TMEM63B: variants seen among roughly 807,000 people sequenced by gnomAD.
TMEM63B encodes transmembrane protein 63B, also known as mechanosensitive cation channel TMEM63B.
Under a neutral mutation model 102.6 loss-of-function variants are expected in TMEM63B, and 23 were observed. The observed-to-expected ratio is 0.22, with a 90% CI of 0.16 to 0.32. The LOEUF is 0.32. TMEM63B is among the 10% of genes least tolerant of loss of function. The probability of loss-of-function intolerance (pLI) is 1.00; values close to 1 mark genes in which losing one functional copy is unlikely to be tolerated. For synonymous variants in TMEM63B, 444 were observed against 437.0 expected (o/e 1.02, Z -0.20); for missense variants, 628 against 1,095.9 (o/e 0.57, Z 6.03).
chr6:44,147,598 G>A, intron 12 of TMEM63B, 98 bp downstream of exon 12: 1 of 1,503,118 alleles, frequency 6.7e-7, no homozygotes, highest in East Asian at 2.5e-5. Context: ...CCTGTCCCTG[G>A]AATCCTTGAA....
At chr6:44,146,597 C>T (rs9296428) in intron 10 of TMEM63B, among the ~76,000 whole-genome samples, 60,774 of 151,662 alleles carry the variant, frequency 0.4, 12,344 homozygotes, top group Admixed American at 0.45. Context: ...ACTACAGGCA[C>T]GTGCCACCAT....
chr6:44,153,682 T>A lies in TMEM63B; in HGVS notation c.1949T>A (p.Met650Lys). The A allele has an allele frequency of 6.2e-7, 1 of 1,613,812 alleles. No homozygotes were observed. Among genetic ancestry groups the A allele is most frequent in the Non-Finnish European group, 8.5e-7 (1 of 1,179,900 alleles). ...CCCATGTGGCTTCCCTTAGGGCTCATGTACATGCTGCTGAAGCACCTGGTA... is the reference window on the plus strand; with the variant it reads ...CCCATGTGGCTTCCCTTAGGGCTCAAGTACATGCTGCTGAAGCACCTGGTA... Reference protein sequence around the residue: ...TCPIIVPFGLMYMLLKHLVDR... With the variant: ...TCPIIVPFGLKYMLLKHLVDR... Residue 650 changes from methionine to lysine, a missense_variant, in exon 21 of 24, where the codon ATG (methionine) becomes AAG (lysine). By Grantham distance (95) the Met-to-Lys change is moderately conservative. Around this residue, in one of 6 missense-constraint regions of TMEM63B, gnomAD observed 90 missense variants for 136.7 expected, o/e 0.66. Transcript: ENST00000323267.
chr6:44,140,156 G>A (rs758591404), intron 8 of TMEM63B, 96 bp from the exon 9 acceptor site: 1 of 971,154 alleles, frequency 1.0e-6, no homozygotes, highest in Non-Finnish European at 1.6e-6. Context: ...AGAGGGCCCT[G>A]TCTGTATCAA....
At chr6:44,146,722 A>T in intron 10 of TMEM63B, 125 bp from the exon 11 acceptor site, 1 of 991,510 alleles carries the variant, frequency 1.0e-6, no homozygotes, top group Non-Finnish European at 1.6e-6. Flanking sequence ...AAGTGCTGGG[A>T]TTACAGATGT....
chr6:44,140,569 G>A, intron 9 of TMEM63B: 2 of 664,796 alleles, frequency 3.0e-6, no homozygotes, highest in Non-Finnish European at 2.8e-6. Flanking sequence ...CCTCCCCCAA[G>A]GTTGTGGGGA....
In TMEM63B at chr6:44,145,291, A is replaced by G. The variant is rs1205868631; in HGVS notation, c.783-1556A>G. ...CTCCGCCTCAAAAAAAAAAAAAAAAAGCTATTAGGCTGGGTATGGCAGCTC... is the reference window on the plus strand; with the variant it reads ...CTCCGCCTCAAAAAAAAAAAAAAAAGGCTATTAGGCTGGGTATGGCAGCTC... On this transcript the variant is annotated intron_variant, in intron 10 of 23. Transcript: ENST00000323267. 4.8e-5 allele frequency among the ~76,000 whole-genome samples: 7 copies of G among 147,048 alleles called. No individual in the cohort carries two copies. The East Asian group carries it at 1.4e-3, about 30-fold the overall frequency.
chr6:44,137,373 C>T (rs1763177959), intron 5 of TMEM63B, among the ~76,000 whole-genome samples: 1 of 152,196 alleles, frequency 6.6e-6, no homozygotes, highest in South Asian at 2.1e-4. Flanking sequence ...TCTTGGGCTG[C>T]AAGTCCTAGG....
intron 4 of TMEM63B, 65 bp downstream of exon 4, chr6:44,135,431 C>T (rs977930266): frequency 6.5e-7 from 1 of 1,542,658 alleles, no homozygotes; most frequent in Non-Finnish European, 8.8e-7. Flanking sequence ...TCTCACGCTT[C>T]TCTTCTCTTC....
intron 10 of TMEM63B, 28 bp from the exon 11 acceptor site, chr6:44,146,819 A>G (rs1217801941): frequency 6.2e-7 from 1 of 1,612,458 alleles, no homozygotes; most frequent in Non-Finnish European, 8.5e-7. Flanking sequence ...GGGTCCCTGC[A>G]CAAGATGATA....
chr6:44,129,808 C>T (rs1582751039), intron 1 of TMEM63B, among the ~76,000 whole-genome samples: 1 of 152,264 alleles, frequency 6.6e-6, no homozygotes, highest in East Asian at 1.9e-4. Flanking sequence ...TTCCTAGAGC[C>T]CATTATATGC....
chr6:44,138,566 C>G (rs369610884), intron 6 of TMEM63B, 49 bp downstream of exon 6: 6 of 1,610,680 alleles, frequency 3.7e-6, no homozygotes, highest in Admixed American at 1.7e-5. Flanking sequence ...ACTTCAGAAC[C>G]TGGCATCTCC....
chr6:44,152,506 C>G lies in TMEM63B; in HGVS notation c.1837-87C>G. The stretch of plus-strand genomic sequence containing the variant: ...TGGCTTCTTTTCCGGCCCCAGAGGT[C>G]CTGGCTCCCTTCCCCCTCCCTCCTT... On this transcript the variant is annotated intron_variant, in intron 19 of 23. Coordinates refer to ENST00000323267, the MANE Select transcript of TMEM63B (RefSeq NM_018426.3). This position sits in a 1 kb window ranked among gnomAD's most constrained non-coding sequence, Gnocchi z 6.4. 1.0e-6 allele frequency: 1 copy of G among 992,690 alleles called. No individual in the cohort carries two copies. The highest frequency in any genetic ancestry group is 1.6e-6 in the Non-Finnish European group (1 of 636,300). The allele number at this position is 992,690 out of a possible 1,614,324, so 61.5% of individuals were successfully genotyped here.
At position 44,147,304 on chromosome 6, in the gene TMEM63B, G is replaced by A. The variant is rs532999325; in HGVS notation, c.864-73G>A. ...ACAAGACAGCTCCTGTCCTTGGGGA[G>A]TGAGCTAGATGACCCCCAAGCTGAG... On this transcript the variant is annotated intron_variant, in intron 11 of 23. Transcript: ENST00000323267. The A allele has an allele frequency of 6.2e-6, 10 of 1,607,650 alleles. No individual in the cohort carries two copies. The South Asian group carries it at 9.9e-5, about 16-fold the overall frequency.
In TMEM63B at chr6:44,150,780, A is replaced by T. The variant is rs750428217; in HGVS notation, c.1673+151A>T. On this transcript the variant is annotated intron_variant, in intron 18 of 23. Coordinates refer to ENST00000323267, the MANE Select transcript of TMEM63B (RefSeq NM_018426.3). This position sits in a 1 kb window ranked among gnomAD's most constrained non-coding sequence, Gnocchi z 4.7. ...GATCTGGCGGGGTTACCCCAAAGGC[A>T]CCCACAAGGTGTCTTGGGTGTGTAT... The T allele has an allele frequency of 8.9e-6, 7 of 783,512 alleles. No homozygotes were observed. The highest frequency in any genetic ancestry group is 8.2e-5 in the South Asian group (5 of 60,938). The allele number at this position is 783,512 out of a possible 1,614,324, so 48.5% of individuals were successfully genotyped here. A position where few individuals can be genotyped will look rare whatever the true frequency, so the allele number is the denominator to read the frequency against.
rs1398975053 is a variant in TMEM63B at position 44,154,625 on chromosome 6, C to A, written c.2308-67C>A. On this transcript the variant is annotated intron_variant, in intron 23 of 23. Transcript: ENST00000323267. ...CCTGCCCACTCTGCTGTCCTACATG[C>A]CCTGGTGTTCCCGCAATCCATGAGG... 5.3e-6 allele frequency: 8 copies of A among 1,504,534 alleles called. No individual in the cohort carries two copies. The Admixed American group carries it at 1.1e-4, about 20-fold the overall frequency. The allele number at this position is 1,504,534 out of a possible 1,614,324, so 93.2% of individuals were successfully genotyped here.
chr6:44,127,359 G>A (rs924584728), upstream of TMEM63B: 5 of 152,488 alleles, frequency 3.3e-5, no homozygotes, highest in East Asian at 7.8e-4. Flanking sequence ...TCGCCGCCCG[G>A]GAAAATCCCG....
Position 44,150,496 on chromosome 6 carries a change from G to A in TMEM63B, c.1608-68G>A. ...TCTCCCCAGTGGCTCACAGAGGAGG[G>A]ACTTCCCCTCCCCTGGTGTTCTGTA... On this transcript the variant is annotated intron_variant, in intron 17 of 23. Coordinates refer to ENST00000323267, the MANE Select transcript of TMEM63B (RefSeq NM_018426.3). The surrounding 1 kb of genome is among the most constrained non-coding windows in gnomAD (Gnocchi z 4.7). The A allele has an allele frequency of 1.9e-6, 3 of 1,583,142 alleles. No individual in the cohort carries two copies. The highest frequency in any genetic ancestry group is 2.6e-6 in the Non-Finnish European group (3 of 1,153,108).
chr6:44,138,468 C>A lies in TMEM63B; in HGVS notation c.370-12C>A. The stretch of plus-strand genomic sequence containing the variant: ...GCTGGGGACTCCCGCTGACAGCCCT[C>A]TGTTCCCCCAGGGTTTCTGTTCCTG... On this transcript the variant is annotated splice_polypyrimidine_tract_variant and intron_variant, in intron 5 of 23. Coordinates refer to ENST00000323267, the MANE Select transcript of TMEM63B (RefSeq NM_018426.3). The A allele has an allele frequency of 6.2e-7, 1 of 1,614,044 alleles. No homozygotes were observed. Among genetic ancestry groups the A allele is most frequent in the Non-Finnish European group, 8.5e-7 (1 of 1,180,004 alleles).
In TMEM63B at chr6:44,137,534, G is replaced by T. The variant is rs1202321391; in HGVS notation, c.370-946G>T. Among the ~76,000 whole-genome samples the T allele has an allele frequency of 3.3e-5, 5 of 152,192 alleles. No individual in the cohort carries two copies. The East Asian group carries it at 5.8e-4, about 18-fold the overall frequency. On this transcript the variant is annotated intron_variant, in intron 5 of 23. Coordinates refer to ENST00000323267, the MANE Select transcript of TMEM63B (RefSeq NM_018426.3). ...GGTGATGTTGGCAACAGGTAGCATG[G>T]TCCTGAATCACGGCCGAAAGGCACC...
Sources: gnomAD v4.1 joint callset for allele counts (sites outside exome capture counted in the v4.1 genomes callset) on GRCh38, gnomAD v4.1.1 for gene constraint, gnomAD v4.1.1 regional missense constraint, Gnocchi (gnomAD v3.1) non-coding constraint, MANE v1.5 for transcripts, NCBI Gene and HGNC (gene_info 2026-07-23, HGNC 2026-07-21) for gene names.